The following ADAMTSL1 variants were observed in gnomAD, a reference collection of about 807,000 sequenced individuals.
ADAMTSL1 encodes ADAMTS-like protein 1.
Under a neutral mutation model 201.8 loss-of-function variants are expected in ADAMTSL1, and 126 were observed. The ratio of observed to expected loss-of-function variants is 0.62; its 90% CI spans 0.54 to 0.72. The LOEUF (loss-of-function observed/expected upper bound fraction) is 0.72. Ranked by LOEUF, ADAMTSL1 falls within the 30% of genes least tolerant of loss-of-function variation. The pLI, the probability that ADAMTSL1 is intolerant of heterozygous loss-of-function variation, is 0.00. For synonymous variants in ADAMTSL1, 1,121 were observed against 903.4 expected, an observed-to-expected ratio of 1.24 and a Z score of -4.32; for missense variants, 2,679 against 2,277.8, an observed-to-expected ratio of 1.18 and a Z score of -3.59.
At chr9:18,276,879 T>C (rs1287289178) in intron 2 of ADAMTSL1, among the ~76,000 whole-genome samples, 2 of 152,172 alleles carry the variant, frequency 1.3e-5, no homozygotes, top group Admixed American at 6.5e-5. Flanking sequence ...CCTCCAACAC[T>C]GGAGGTCACA....
chr9:17,925,114 T>C lies in ADAMTSL1; in HGVS notation c.87+18192T>C, dbSNP rs1266130680. On this transcript the variant is annotated intron_variant, in intron 1 of 29. Transcript: ENST00000680146. The stretch of plus-strand genomic sequence containing the variant: ...AAAACACATGAAAAAATGCTCATCA[T>C]CACTGGCCATCAGAGAAATGCAAAT... 9.6e-4 allele frequency among the ~76,000 whole-genome samples: 90 copies of C among 93,898 alleles called. 12 individuals are homozygous for C. Among genetic ancestry groups the C allele is most frequent in the African/African-American group, 3.1e-3 (88 of 28,554 alleles). 61.6% of individuals were successfully genotyped at this position (93,898 alleles called of 152,430 possible).
At chr9:18,159,648 T>C (rs1374249335) in intron 1 of ADAMTSL1, among the ~76,000 whole-genome samples, 1 of 152,086 alleles carries the variant, frequency 6.6e-6, no homozygotes, top group Admixed American at 6.6e-5. Flanking sequence ...GCTCATAGAG[T>C]AAACTTGTTA....
chr9:18,524,717 G>C (rs879586522), intron 2 of ADAMTSL1, among the ~76,000 whole-genome samples: 4 of 152,078 alleles, frequency 2.6e-5, no homozygotes, highest in Non-Finnish European at 5.9e-5. Context: ...TTTTGTCTTT[G>C]GTTCTGTTTA....
intron 1 of ADAMTSL1, among the ~76,000 whole-genome samples, chr9:18,025,959 A>G (rs1030169363): frequency 3.3e-5 from 5 of 151,966 alleles, no homozygotes; most frequent in African/African-American, 4.8e-5. Flanking sequence ...CCTTGTAGAG[A>G]TCATTCACCT....
intron 1 of ADAMTSL1, among the ~76,000 whole-genome samples, chr9:17,914,538 A>G (rs553849058): frequency 6.6e-6 from 1 of 152,034 alleles, no homozygotes; most frequent in African/African-American, 2.4e-5. Flanking sequence ...AATAAGAGCT[A>G]TCTATGACAA....
rs1830379294 is a variant in ADAMTSL1, at chr9:18,680,226, G to A, written c.1137-86G>A. The stretch of plus-strand genomic sequence containing the variant: ...CTCTCAGAACCTGATTATACCAATA[G>A]ACATGGGGAGTGGGTTGGTGGACCA... On this transcript the variant is annotated intron_variant, in intron 10 of 28. Transcript: ENST00000380548. 3.0e-6 allele frequency: 4 copies of A among 1,353,896 alleles called. No individual in the cohort carries two copies. In the East Asian group the frequency reaches 7.4e-5, roughly 25 times the overall value. The allele number at this position is 1,353,896 out of a possible 1,614,324, so 83.9% of individuals were successfully genotyped here.
chr9:18,175,772 C>T (rs1206954966), intron 2 of ADAMTSL1, among the ~76,000 whole-genome samples: 1 of 152,040 alleles, frequency 6.6e-6, no homozygotes, highest in East Asian at 1.9e-4. Context: ...TCCTATGGGT[C>T]TCACTATCTT....
intron 14 of ADAMTSL1, among the ~76,000 whole-genome samples, chr9:18,712,668 A>G (rs537070795): frequency 3.5e-4 from 53 of 150,892 alleles, no homozygotes; most frequent in Non-Finnish European, 6.4e-4. Flanking sequence ...AAGTTGGAAA[A>G]CACTCTGCAG....
intron 23 of ADAMTSL1, among the ~76,000 whole-genome samples, chr9:18,858,959 C>T (rs1440583505): frequency 6.6e-6 from 1 of 152,174 alleles, no homozygotes; most frequent in East Asian, 1.9e-4. Context: ...ACATTAACTA[C>T]TTGCTCTACA....
At chr9:17,976,678 C>G (rs996090888) in intron 1 of ADAMTSL1, among the ~76,000 whole-genome samples, 2 of 151,698 alleles carry the variant, frequency 1.3e-5, no homozygotes, top group Admixed American at 6.6e-5. Context: ...CTCTCTCTTT[C>G]TCACTCTCTC....
chr9:18,173,650 G>A (rs1828005201), intron 2 of ADAMTSL1, among the ~76,000 whole-genome samples: 1 of 152,174 alleles, frequency 6.6e-6, no homozygotes, highest in African/African-American at 2.4e-5. Flanking sequence ...GAAGACATTG[G>A]AAGTAATAAA....
At chr9:18,662,189 G>A in intron 9 of ADAMTSL1, 116 bp downstream of exon 9, 1 of 1,335,668 alleles carries the variant, frequency 7.5e-7, no homozygotes, top group Non-Finnish European at 1.0e-6. Context: ...CATCAATAGT[G>A]TTGCTGTCCA....
chr9:18,271,740 G>A (rs1210049017), intron 2 of ADAMTSL1, among the ~76,000 whole-genome samples: 1 of 152,152 alleles, frequency 6.6e-6, no homozygotes, highest in East Asian at 1.9e-4. Context: ...AGTTCCCTGA[G>A]GGATCACCAC....
rs190520605 is a variant in ADAMTSL1 at position 18,675,281 on chromosome 9, G to A, written c.1086-576G>A. On this transcript the variant is annotated intron_variant, in intron 9 of 28. Transcript: ENST00000380548. ...TGCTAATAGTTGCCTACTATGTTCA[G>A]TAGTTTCCCCCTCCCCTTATAAAAT... 1.5e-3 allele frequency among the ~76,000 whole-genome samples: 232 copies of A among 152,242 alleles called. 1 individual carries two copies. Among genetic ancestry groups the A allele is most frequent in the African/African-American group, 5.4e-3 (226 of 41,538 alleles).
At chr9:18,472,198 A>G (rs1460771281), upstream of ADAMTSL1, among the ~76,000 whole-genome samples, 1 of 152,246 alleles carries the variant, frequency 6.6e-6, no homozygotes, top group African/African-American at 2.4e-5. Context: ...ACAGAGAGAC[A>G]CATGTAACAT....
At chr9:18,361,517 A>G (rs1398347950) in intron 2 of ADAMTSL1, among the ~76,000 whole-genome samples, 1 of 152,142 alleles carries the variant, frequency 6.6e-6, no homozygotes, top group Admixed American at 6.5e-5. Context: ...CATTTAAATG[A>G]CTTTGAACTT....
intron 22 of ADAMTSL1, among the ~76,000 whole-genome samples, chr9:18,826,684 G>A (rs997330939): frequency 6.6e-6 from 1 of 152,186 alleles, no homozygotes; most frequent in African/African-American, 2.4e-5. Flanking sequence ...GCCTGGCATT[G>A]GGCAAGTTAC....
chr9:18,867,057 C>G (rs934465720), intron 23 of ADAMTSL1, among the ~76,000 whole-genome samples: 1 of 152,178 alleles, frequency 6.6e-6, no homozygotes, highest in African/African-American at 2.4e-5. Flanking sequence ...CACTTTCTTG[C>G]AAGGAAAGTT....
chr9:18,823,206 G>T (rs1474717299), intron 21 of ADAMTSL1, among the ~76,000 whole-genome samples: 1 of 152,146 alleles, frequency 6.6e-6, no homozygotes, highest in Non-Finnish European at 1.5e-5. Context: ...AGAGAGGTTT[G>T]CCAGTAGATT....
Sources: gnomAD v4.1 joint callset for allele counts (sites outside exome capture counted in the v4.1 genomes callset) on GRCh38, gnomAD v4.1.1 for gene constraint, MANE v1.5 for transcripts, NCBI Gene and HGNC (gene_info 2026-07-23, HGNC 2026-07-21) for gene names.